Variants in ALPK2 observed in about 807,000 individuals in gnomAD.
ALPK2 encodes alpha kinase 2.
ALPK2 carries 127 observed loss-of-function variants against 163.1 expected under a neutral mutation model. The observed-to-expected ratio is 0.78, with a 90% confidence interval of 0.67 to 0.90. ALPK2 has a LOEUF of 0.90. Ranked by LOEUF, ALPK2 falls within the 40% of genes least tolerant of loss-of-function variation. The pLI is 0.00. For missense variants in ALPK2, 2,360 were observed against 2,589.6 expected (o/e 0.91, Z 1.92); for synonymous variants, 953 against 959.1 (o/e 0.99, Z 0.12).
At position 58,537,994 on chromosome 18, in the gene ALPK2, G is replaced by T; in HGVS notation, c.2193C>A (p.Asp731Glu). Reference sequence around the variant, plus strand: ...CATATTTTAGGTCTTCCCTGAAATTGTCAGGTATGTTGCCATCTCTGTCTT... The same window carrying T: ...CATATTTTAGGTCTTCCCTGAAATTTTCAGGTATGTTGCCATCTCTGTCTT... Reference protein sequence around the residue: ...EKQDRDGNIPDNFREDLKYEQ... With the variant: ...EKQDRDGNIPENFREDLKYEQ... Residue 731 changes from aspartate to glutamate, a missense_variant, in exon 5 of 13, where the codon GAC (aspartate) becomes GAA (glutamate). Asp to Glu is a conservative substitution (Grantham distance 45). Coordinates refer to ENST00000361673, the MANE Select transcript of ALPK2 (RefSeq NM_052947.4). 6.2e-7 allele frequency: 1 copy of T among 1,614,190 alleles called. No homozygotes were observed.
At chr18:58,612,073 A>G (rs2052135645) in intron 1 of ALPK2, among the ~76,000 whole-genome samples, 1 of 152,166 alleles carries the variant, frequency 6.6e-6, no homozygotes, top group Non-Finnish European at 1.5e-5. Flanking sequence ...CCAGATGCCA[A>G]TAGCACCCCC....
chr18:58,490,436 A>G (rs989800066), intron 12 of ALPK2, among the ~76,000 whole-genome samples: 5 of 152,154 alleles, frequency 3.3e-5, no homozygotes, highest in Non-Finnish European at 7.4e-5. Context: ...TGTCATGGCC[A>G]AGCAACTGCT....
chr18:58,588,284 G>C (rs1325828530), intron 3 of ALPK2, among the ~76,000 whole-genome samples: 1 of 152,268 alleles, frequency 6.6e-6, no homozygotes, highest in African/African-American at 2.4e-5. Context: ...AGAATTCTAT[G>C]GCAACTAATA....
intron 4 of ALPK2, among the ~76,000 whole-genome samples, chr18:58,553,856 T>G (rs59237854): frequency 2.0e-4 from 14 of 68,308 alleles, no homozygotes; most frequent in South Asian, 5.8e-4. Context: ...TTTGGTTTTT[T>G]TTTTTTTTTT....
chr18:58,558,938 A>C (rs1251927566), intron 4 of ALPK2, among the ~76,000 whole-genome samples: 2 of 152,246 alleles, frequency 1.3e-5, no homozygotes, highest in Non-Finnish European at 2.9e-5. Flanking sequence ...GGGGAGAGGA[A>C]GTGACTGTTA....
intron 12 of ALPK2, among the ~76,000 whole-genome samples, chr18:58,487,843 G>A (rs961995048): frequency 1.3e-5 from 2 of 149,600 alleles, no homozygotes; most frequent in African/African-American, 2.5e-5. Context: ...GCAACATAAC[G>A]AGACCCTATC....
chr18:58,580,436 A>T lies in ALPK2; in HGVS notation c.340T>A (p.Ser114Thr). 1 of 1,614,146 alleles carries T rather than the reference A, an allele frequency of 6.2e-7. No homozygotes were observed. Among genetic ancestry groups the T allele is most frequent in the South Asian group, 1.1e-5 (1 of 91,060 alleles). The change falls in exon 4 of 13, where the codon TCT becomes ACT. Residue 114 changes from serine (S) to threonine (T), a missense_variant. Transcript: ENST00000361673. ...VECSSENPQL[S>T]PNLEDDRDRG... ...TCCCTGTCATCTTCCAGGTTAGGAGACAATTGTGGGTTCTCTGATGAGCAC... is the reference window on the plus strand; with the variant it reads ...TCCCTGTCATCTTCCAGGTTAGGAGTCAATTGTGGGTTCTCTGATGAGCAC...
rs9959817 is a variant in ALPK2, at chr18:58,604,140, A to G, written c.227+3182T>C. Among the ~76,000 whole-genome samples the G allele has an allele frequency of 5.0e-3, 761 of 152,284 alleles. 6 individuals carry two copies. The highest frequency in any genetic ancestry group is 0.018 in the African/African-American group (735 of 41,556). On this transcript the variant is annotated intron_variant, in intron 3 of 12. Transcript: ENST00000361673. Reference sequence around the variant, plus strand: ...ACTGCAGATTAGATTTGTTAAACCAAAAAAGCCCTTGGGAAACACAGAAAC... The same window carrying G: ...ACTGCAGATTAGATTTGTTAAACCAGAAAAGCCCTTGGGAAACACAGAAAC...
At chr18:58,508,561 T>G (rs1174849168) in intron 10 of ALPK2, among the ~76,000 whole-genome samples, 2 of 152,196 alleles carry the variant, frequency 1.3e-5, no homozygotes, top group Non-Finnish European at 2.9e-5. Flanking sequence ...CAAGAATGAC[T>G]TCTGGCCTTC....
chr18:58,493,142 G>T (rs946342236), intron 12 of ALPK2, among the ~76,000 whole-genome samples: 2 of 152,076 alleles, frequency 1.3e-5, no homozygotes, highest in African/African-American at 2.4e-5. Context: ...AGCTATCTGG[G>T]GCATAAAATT....
Position 58,611,682 on chromosome 18 carries a change from T to C in ALPK2, c.109+7A>G, listed in dbSNP as rs1163851053. ...AGAGGGTGATTAGCTAGTCTAGTGA[T>C]GGTTACCAGATATTATGCAGCGAAG... On this transcript the variant is annotated splice_region_variant and intron_variant, in intron 2 of 12. Coordinates refer to ENST00000361673, the MANE Select transcript of ALPK2 (RefSeq NM_052947.4). 6.2e-7 allele frequency: 1 copy of C among 1,610,138 alleles called. No homozygotes were observed. The highest frequency in any genetic ancestry group is 2.2e-5 in the East Asian group (1 of 44,830).
At chr18:58,556,483 C>G (rs1307582613) in intron 4 of ALPK2, among the ~76,000 whole-genome samples, 1 of 152,146 alleles carries the variant, frequency 6.6e-6, no homozygotes, top group African/African-American at 2.4e-5. Context: ...ATGAAATGAG[C>G]CAGCCGCTGC....
intron 4 of ALPK2, among the ~76,000 whole-genome samples, chr18:58,548,270 T>A (rs1261425503): frequency 6.6e-6 from 1 of 152,070 alleles, no homozygotes; most frequent in Non-Finnish European, 1.5e-5. Context: ...CCTATATCTC[T>A]TCTCTAGTAA....
chr18:58,541,847 C>T (rs568488247), intron 4 of ALPK2, among the ~76,000 whole-genome samples: 128 of 152,288 alleles, frequency 8.4e-4, no homozygotes, highest in Middle Eastern at 3.4e-3. Flanking sequence ...GCAGGCTCCT[C>T]GGTTCTCATC....
chr18:58,581,165 C>A (rs1006063538), intron 3 of ALPK2, among the ~76,000 whole-genome samples: 1 of 151,602 alleles, frequency 6.6e-6, no homozygotes, highest in African/African-American at 2.4e-5. Context: ...TTTTATGTTA[C>A]GGGAATTTGA....
At chr18:58,545,514 G>A (rs1192323628) in intron 4 of ALPK2, among the ~76,000 whole-genome samples, 3 of 152,194 alleles carry the variant, frequency 2.0e-5, no homozygotes, top group Non-Finnish European at 4.4e-5. Flanking sequence ...AGGTGAACTT[G>A]AAGTAGAGTG....
At chr18:58,539,723 G>T (rs9965985) in intron 4 of ALPK2, among the ~76,000 whole-genome samples, 48,784 of 151,904 alleles carry the variant, frequency 0.32, 7,968 homozygotes, top group East Asian at 0.48. Flanking sequence ...AATGTTCATG[G>T]GCATATTATG....
At chr18:58,588,747 C>G (rs2051999644) in intron 3 of ALPK2, among the ~76,000 whole-genome samples, 1 of 152,156 alleles carries the variant, frequency 6.6e-6, no homozygotes, top group South Asian at 2.1e-4. Context: ...CATCCATGTC[C>G]CTGCAGAGGA....
At position 58,535,054 on chromosome 18, in the gene ALPK2, G is replaced by C. The variant is rs764774924; in HGVS notation, c.5133C>G (p.Val1711=). The C allele has an allele frequency of 5.0e-6, 8 of 1,613,836 alleles. 1 individual carries two copies. In the South Asian group the frequency reaches 8.8e-5, roughly 18 times the overall value. Residue 1711 remains valine (V), a synonymous_variant, in exon 5 of 13, where the codon GTC becomes GTG. Coordinates refer to ENST00000361673, the MANE Select transcript of ALPK2 (RefSeq NM_052947.4). The part of the protein sequence containing the change: ...TLTAVTGSEE[V]KRKPEAPGSG... ...TGCCTGGGGCTTCTGGCTTCCTCTT[G>C]ACCTCCTCTGACCCCGTCACTGCTG...
Sources: gnomAD v4.1 joint callset for allele counts (sites outside exome capture counted in the v4.1 genomes callset) on GRCh38, gnomAD v4.1.1 for gene constraint, MANE v1.5 for transcripts, NCBI Gene and HGNC (gene_info 2026-07-23, HGNC 2026-07-21) for gene names.